Variants in ZNF385B observed in about 807,000 individuals in gnomAD.
ZNF385B encodes the protein zinc finger protein 533.
A neutral mutation model predicts 39.2 loss-of-function variants in ZNF385B; 23 were observed. The ratio of observed to expected loss-of-function variants is 0.59; its 90% CI spans 0.42 to 0.83. The LOEUF (loss-of-function observed/expected upper bound fraction) is 0.83, where lower values mean the gene tolerates loss of function less well. ZNF385B is among the 40% of genes least tolerant of loss of function. ZNF385B has a pLI of 0.00. For missense variants in ZNF385B, 552 were observed against 598.9 expected (o/e 0.92, Z 0.82); for synonymous variants, 205 against 222.6 (o/e 0.92, Z 0.70).
At chr2:179,688,705 T>G (rs370495597) in intron 3 of ZNF385B, among the ~76,000 whole-genome samples, 3 of 152,204 alleles carry the variant, frequency 2.0e-5, no homozygotes, top group Admixed American at 2.0e-4. Flanking sequence ...CTAGCATTTT[T>G]TGAGGATACA....
intron 1 of ZNF385B, 21 bp downstream of exon 1, chr2:179,861,080 G>A (rs2105465557): frequency 6.2e-6 from 1 of 160,758 alleles, no homozygotes; most frequent in African/African-American, 2.4e-5. Context: ...CGCCGGTCTG[G>A]GCTGGGCGCC....
At chr2:179,791,797 C>T (rs1311933608) in intron 1 of ZNF385B, among the ~76,000 whole-genome samples, 1 of 152,192 alleles carries the variant, frequency 6.6e-6, no homozygotes, top group African/African-American at 2.4e-5. Context: ...TTTGCTGTCT[C>T]CCAGGCTGGA....
At chr2:179,635,012 G>A (rs1336533381) in intron 3 of ZNF385B, among the ~76,000 whole-genome samples, 1 of 150,830 alleles carries the variant, frequency 6.6e-6, no homozygotes, top group Non-Finnish European at 1.5e-5. Context: ...CGTGGTGGCA[G>A]GTGCCTGTAT....
intron 6 of ZNF385B, among the ~76,000 whole-genome samples, chr2:179,477,131 T>C (rs1209133185): frequency 6.6e-6 from 1 of 152,074 alleles, no homozygotes; most frequent in East Asian, 1.9e-4. Flanking sequence ...AAATGAGAAA[T>C]TGTCAATTGG....
In ZNF385B at chr2:179,501,532, A is replaced by T. The variant is rs117112672; in HGVS notation, c.552+16996T>A. Reference sequence around the variant, plus strand: ...ATTTGTGGGATCTAAAAATTAAAACAATTAAAGTCATGGACACAGAGAGTA... The same window carrying T: ...ATTTGTGGGATCTAAAAATTAAAACTATTAAAGTCATGGACACAGAGAGTA... On this transcript the variant is annotated intron_variant, in intron 5 of 9. Transcript: ENST00000410066. Among the ~76,000 whole-genome samples, 26 of 152,276 alleles carry T rather than the reference A, an allele frequency of 1.7e-4. 1 individual carries two copies. In the East Asian group the frequency reaches 4.0e-3, roughly 24 times the overall value.
intron 3 of ZNF385B, among the ~76,000 whole-genome samples, chr2:179,607,317 G>A (rs1460759886): frequency 6.6e-6 from 1 of 152,124 alleles, no homozygotes; most frequent in Non-Finnish European, 1.5e-5. Flanking sequence ...ATTGGATCAT[G>A]GGGGTGGATT....
intron 1 of ZNF385B, among the ~76,000 whole-genome samples, chr2:179,799,517 G>A (rs185174160): frequency 4.5e-4 from 68 of 151,974 alleles, no homozygotes; most frequent in African/African-American, 1.5e-3. Context: ...TCTTTTTACC[G>A]GTTTCTTGCT....
chr2:179,598,609 C>T (rs1032574678), intron 3 of ZNF385B, among the ~76,000 whole-genome samples: 2 of 151,682 alleles, frequency 1.3e-5, no homozygotes, highest in South Asian at 2.1e-4. Flanking sequence ...AAAATAAAAC[C>T]TCTATGTATG....
chr2:179,730,209 C>A (rs959079126), intron 3 of ZNF385B, among the ~76,000 whole-genome samples: 1 of 152,110 alleles, frequency 6.6e-6, no homozygotes, highest in African/African-American at 2.4e-5. Context: ...AAGTTTATGC[C>A]CGGGTCCTGG....
At chr2:179,486,408 T>C (rs1017603044) in intron 5 of ZNF385B, among the ~76,000 whole-genome samples, 2 of 152,206 alleles carry the variant, frequency 1.3e-5, no homozygotes, top group Non-Finnish European at 2.9e-5. Context: ...TATTTAATTA[T>C]ATACCCACAT....
chr2:179,860,088 A>G (rs548860237), intron 1 of ZNF385B, among the ~76,000 whole-genome samples: 2 of 152,344 alleles, frequency 1.3e-5, no homozygotes, highest in South Asian at 2.1e-4. Context: ...TTCCTTCTAT[A>G]GGAACATCTT....
chr2:179,675,754 T>C (rs963041524), intron 3 of ZNF385B, among the ~76,000 whole-genome samples: 1 of 151,776 alleles, frequency 6.6e-6, no homozygotes, highest in Non-Finnish European at 1.5e-5. Context: ...TCAAGAGTTG[T>C]ATCTGTGTAC....
chr2:179,712,867 G>A (rs73973706), intron 3 of ZNF385B, among the ~76,000 whole-genome samples: 12,815 of 152,204 alleles, frequency 0.084, 1,631 homozygotes, highest in African/African-American at 0.27. Flanking sequence ...TTTAGACTTT[G>A]TTATGGTGTA....
At chr2:179,469,856 T>C (rs1257335110) in intron 6 of ZNF385B, among the ~76,000 whole-genome samples, 2 of 152,200 alleles carry the variant, frequency 1.3e-5, no homozygotes, top group African/African-American at 4.8e-5. Context: ...ACCACTATTC[T>C]CTTTAGATTA....
chr2:179,687,405 T>C (rs1285528179), intron 3 of ZNF385B, among the ~76,000 whole-genome samples: 4 of 152,114 alleles, frequency 2.6e-5, no homozygotes, highest in Non-Finnish European at 5.9e-5. Context: ...ATTCACATTA[T>C]AAACTCCAAA....
At chr2:179,507,181 TG>T (rs1254386381) in intron 5 of ZNF385B, among the ~76,000 whole-genome samples, 4 of 152,196 alleles carry the variant, frequency 2.6e-5, no homozygotes. Context: ...AAGGAAGCTG[TG>T]GAACATTCAT....
At chr2:179,649,269 T>G (rs1477390450) in intron 3 of ZNF385B, among the ~76,000 whole-genome samples, 2 of 152,166 alleles carry the variant, frequency 1.3e-5, no homozygotes, top group Non-Finnish European at 2.9e-5. Context: ...GGCATGACAA[T>G]GACACATAAT....
chr2:179,701,673 C>G (rs1027614215), intron 3 of ZNF385B, among the ~76,000 whole-genome samples: 1 of 152,166 alleles, frequency 6.6e-6, no homozygotes, highest in Non-Finnish European at 1.5e-5. Flanking sequence ...AAGTGAACAG[C>G]ATGCATATTG....
In ZNF385B at chr2:179,442,953, G is replaced by T; in HGVS notation, c.*297C>A. The T allele has an allele frequency of 2.1e-6, 1 of 473,156 alleles. No individual in the cohort carries two copies. Among genetic ancestry groups the T allele is most frequent in the Non-Finnish European group, 3.8e-6 (1 of 260,534 alleles). 29.3% of individuals were successfully genotyped at this position (473,156 alleles called of 1,614,324 possible). ...AATGGTTTTCTTTCTTTTTCTTTCT[G>T]ACCAATACATGCTCAAGAAATCAAA... On this transcript the variant is annotated 3_prime_UTR_variant, in exon 10 of 10. Transcript: ENST00000410066.
Sources: gnomAD v4.1 joint callset for allele counts (sites outside exome capture counted in the v4.1 genomes callset) on GRCh38, gnomAD v4.1.1 for gene constraint, MANE v1.5 for transcripts, NCBI Gene and HGNC (gene_info 2026-07-23, HGNC 2026-07-21) for gene names.